Variants in CFAP47 observed in about 807,000 individuals in gnomAD.
CFAP47 encodes the protein cilia- and flagella-associated protein 47.
CFAP47 carries 29 observed loss-of-function variants against 148.1 expected under a neutral mutation model. The ratio of observed to expected loss-of-function variants is 0.20; its 90% CI spans 0.15 to 0.27. CFAP47 has a LOEUF of 0.27. Ranked by LOEUF, CFAP47 falls within the 10% of genes least tolerant of loss-of-function variation. The pLI, the probability that CFAP47 is intolerant of heterozygous loss-of-function variation, is 1.00. For missense variants in CFAP47, 1,872 were observed against 1,697.5 expected (o/e 1.10, Z -1.81); for synonymous variants, 664 against 577.3 (o/e 1.15, Z -2.15).
chrX:36,183,271 A>T (rs1191076432), intron 40 of CFAP47, among the ~76,000 whole-genome samples: 1 of 111,027 alleles, frequency 9.0e-6, no homozygotes, highest in East Asian at 2.9e-4. Flanking sequence ...GTGAGATGAG[A>T]TTGCGCCACT....
At chrX:36,046,809 G>A (rs1250988867) in intron 25 of CFAP47, 45 bp from the exon 26 acceptor site, 1 of 861,258 alleles carries the variant, frequency 1.2e-6, no homozygotes, top group Admixed American at 3.3e-5. Context: ...GCCAATGACT[G>A]GCAGGTATTT....
intron 45 of CFAP47, among the ~76,000 whole-genome samples, chrX:36,208,314 T>A (rs1555989037): frequency 9.0e-6 from 1 of 111,572 alleles, no homozygotes; most frequent in Non-Finnish European, 1.9e-5. Context: ...TATCAATAAC[T>A]AATACTATAT....
rs1179058674 is a variant in CFAP47 at position 35,924,292 on chromosome X, TG to T, written c.250-1724del. On this transcript the variant is annotated intron_variant, in intron 1 of 63. Transcript: ENST00000378653. The stretch of plus-strand genomic sequence containing the variant: ...ACATGTATGTGTATATGTACATGTA[TG>T]TGTACACATATGTATATATGTACAT... 6.6e-5 allele frequency among the ~76,000 whole-genome samples: 7 copies of T among 105,636 alleles called. No homozygotes were observed. The East Asian group carries it at 2.1e-3, about 31-fold the overall frequency. 91.7% of individuals were successfully genotyped at this position (105,636 alleles called of 115,157 possible). A position where few individuals can be genotyped will look rare whatever the true frequency, so the allele number is the denominator to read the frequency against.
In CFAP47 at chrX:35,966,592, C is replaced by A; in HGVS notation, c.1438C>A (p.Gln480Lys). The change falls in exon 9 of 64, where the codon CAA becomes AAA. Residue 480 changes from glutamine (Q) to lysine (K), a missense_variant. Gln to Lys is a moderately conservative substitution (Grantham distance 53). Coordinates refer to ENST00000378653, the MANE Select transcript of CFAP47 (RefSeq NM_001304548.2). ...TGTGATGTGTTCATTTGTTCCACAT[C>A]AACTTGGAGTCTTCAAAGTGAAGCA... ...VDVMCSFVPH[Q>K]LGVFKVKQMI... 1 of 1,086,631 alleles carries A rather than the reference C, an allele frequency of 9.2e-7. No individual in the cohort carries two copies. The highest frequency in any genetic ancestry group is 1.2e-6 in the Non-Finnish European group (1 of 825,638). The allele number at this position is 1,086,631 out of a possible 1,213,427, so 89.6% of individuals were successfully genotyped here. A position where few individuals can be genotyped will look rare whatever the true frequency, so the allele number is the denominator to read the frequency against.
chrX:36,288,952 A>G (rs1163843066), intron 51 of CFAP47, among the ~76,000 whole-genome samples: 3 of 104,906 alleles, frequency 2.9e-5, no homozygotes, highest in African/African-American at 1.1e-4. Context: ...CATAAATTCA[A>G]AAATATATTT....
intron 30 of CFAP47, among the ~76,000 whole-genome samples, chrX:36,088,965 TTAAA>T (rs1355550436): frequency 1.8e-5 from 2 of 112,098 alleles, no homozygotes; most frequent in South Asian, 3.6e-4. Context: ...CACTAAGTTT[TTAAA>T]TAAATAGTTA....
chrX:36,243,776 C>T (rs1940579977), intron 48 of CFAP47, among the ~76,000 whole-genome samples: 1 of 104,660 alleles, frequency 9.6e-6, no homozygotes, highest in Admixed American at 1.1e-4. Context: ...GAGACTTCAA[C>T]GCCCCACTGA....
intron 17 of CFAP47, 121 bp downstream of exon 17, chrX:35,992,064 A>C (rs1245706122): frequency 7.3e-6 from 2 of 273,821 alleles, no homozygotes; most frequent in Non-Finnish European, 1.3e-5. Flanking sequence ...AATTTACCTG[A>C]GTATAGTTCA....
At chrX:35,940,324 C>G (rs1385314390) in intron 2 of CFAP47, among the ~76,000 whole-genome samples, 1 of 111,021 alleles carries the variant, frequency 9.0e-6, no homozygotes, top group African/African-American at 3.3e-5. Context: ...TCAATTTTGG[C>G]TTTTGTTGCC....
chrX:36,149,612 AT>A lies in CFAP47; in HGVS notation c.5786+393del, dbSNP rs1192457925. 2.6e-3 allele frequency among the ~76,000 whole-genome samples: 142 copies of A among 54,052 alleles called. 1 individual carries two copies. The East Asian group carries it at 0.072, about 27-fold the overall frequency. The allele number at this position is 54,052 out of a possible 115,157, so 46.9% of individuals were successfully genotyped here. Reference sequence around the variant, plus strand: ...TATTTATTTATTTATTTATTTATTTATTTTATTTTTTTTTGAGACTGGGTTT... The same window carrying A: ...TATTTATTTATTTATTTATTTATTTATTTATTTTTTTTTGAGACTGGGTTT... On this transcript the variant is annotated intron_variant, in intron 37 of 63. Transcript: ENST00000378653.
chrX:36,195,381 G>A (rs1939908952), intron 42 of CFAP47, among the ~76,000 whole-genome samples: 1 of 112,048 alleles, frequency 8.9e-6, no homozygotes, highest in African/African-American at 3.2e-5. Context: ...TTCTGAGAAT[G>A]GTTTCTTGGA....
At position 36,353,645 on chromosome X, in the gene CFAP47, A is replaced by C. The variant is rs1407882334; in HGVS notation, c.8815A>C (p.Lys2939Gln). 1 of 1,160,902 alleles carries C rather than the reference A, an allele frequency of 8.6e-7. No homozygotes were observed. The highest frequency in any genetic ancestry group is 1.2e-6 in the Non-Finnish European group (1 of 868,861). Residue 2939 changes from lysine (K) to glutamine (Q), a missense_variant, in exon 60 of 64, where the codon AAA becomes CAA. Lys to Gln is a moderately conservative substitution (Grantham distance 53). Transcript: ENST00000378653. ...TCTGACAGAAGTTTTAGTGATTCCA[A>C]AAAGAAATTCACATAATTTTTGTGA... The part of the protein sequence containing the change: ...PDLTEVLVIP[K>Q]RNSHNFCEDP...
intron 33 of CFAP47, among the ~76,000 whole-genome samples, chrX:36,116,433 A>G (rs769873115): frequency 2.7e-5 from 3 of 112,299 alleles, no homozygotes; most frequent in African/African-American, 6.5e-5. Flanking sequence ...GAATTTCAAT[A>G]TACATTTCCT....
intron 57 of CFAP47, among the ~76,000 whole-genome samples, chrX:36,343,320 T>C (rs1941668891): frequency 9.0e-6 from 1 of 111,644 alleles, no homozygotes; most frequent in Non-Finnish European, 1.9e-5. Context: ...CAGCCAACAA[T>C]CATGTGAAAA....
At chrX:36,236,123 T>C (rs963374441) in intron 47 of CFAP47, 46 bp downstream of exon 47, 2 of 404,114 alleles carry the variant, frequency 4.9e-6, no homozygotes, top group Non-Finnish European at 8.7e-6. Context: ...AATAGTATCA[T>C]TAGTTAATAA....
chrX:35,992,488 T>C (rs1936800838), intron 17 of CFAP47, among the ~76,000 whole-genome samples: 1 of 111,109 alleles, frequency 9.0e-6, no homozygotes, highest in African/African-American at 3.3e-5. Flanking sequence ...TTTACATTAA[T>C]GTGTTTTTTT....
chrX:36,039,242 AT>A (rs1194531869), intron 25 of CFAP47, 63 bp downstream of exon 25: 9 of 514,021 alleles, frequency 1.8e-5, no homozygotes, highest in Non-Finnish European at 2.3e-5. Flanking sequence ...TTTCTGTGTT[AT>A]ATAAGAATTA....
chrX:36,235,830 A>C (rs781813346), intron 46 of CFAP47, 104 bp from the exon 47 acceptor site: 9 of 356,700 alleles, frequency 2.5e-5, no homozygotes, highest in Non-Finnish European at 4.0e-5. Context: ...AAATACAATT[A>C]AAAATACAAT....
chrX:36,076,567 C>T (rs1268126972), intron 29 of CFAP47, among the ~76,000 whole-genome samples: 1 of 110,216 alleles, frequency 9.1e-6, no homozygotes, highest in East Asian at 2.9e-4. Flanking sequence ...TGTTATTTGC[C>T]CACTTTTTAA....
Sources: gnomAD v4.1 joint callset for allele counts (sites outside exome capture counted in the v4.1 genomes callset) on GRCh38, gnomAD v4.1.1 for gene constraint, MANE v1.5 for transcripts, NCBI Gene and HGNC (gene_info 2026-07-23, HGNC 2026-07-21) for gene names.